The following PCDH19 variants were observed in gnomAD, a reference collection of about 807,000 sequenced individuals.
PCDH19 encodes the protein protocadherin-19.
In PCDH19, 6 loss-of-function variants were observed where a neutral mutation model predicts 46.2. The ratio of observed to expected loss-of-function variants is 0.13; its 90% CI spans 0.07 to 0.26. PCDH19 has a LOEUF of 0.26. Among genes scored for constraint, PCDH19 ranks in the 10% least tolerant of loss-of-function variants. PCDH19 has a pLI of 1.00. For missense variants in PCDH19, 740 were observed against 972.3 expected, an observed-to-expected ratio of 0.76 and a Z score of 3.18; for synonymous variants, 481 against 415.7, an observed-to-expected ratio of 1.16 and a Z score of -1.91.
chrX:100,311,926 A>T (rs186317549), intron 5 of PCDH19, among the ~76,000 whole-genome samples: 1 of 111,372 alleles, frequency 9.0e-6, no homozygotes, highest in East Asian at 2.8e-4. Context: ...CACAATCATT[A>T]AAAAAATGCA....
intron 5 of PCDH19, among the ~76,000 whole-genome samples, chrX:100,316,930 C>T (rs1283544830): frequency 3.6e-5 from 4 of 111,725 alleles, no homozygotes; most frequent in African/African-American, 1.3e-4. Flanking sequence ...TGGATTTTTT[C>T]TTGTCATATT....
At chrX:100,377,291 A>C (rs937325407) in intron 3 of PCDH19, among the ~76,000 whole-genome samples, 4 of 111,407 alleles carry the variant, frequency 3.6e-5, no homozygotes, top group African/African-American at 1.3e-4. Flanking sequence ...TTTTCTTCCC[A>C]TTATGGAACA....
chrX:100,395,713 G>GT (rs1444949782), intron 3 of PCDH19, among the ~76,000 whole-genome samples: 6 of 113,289 alleles, frequency 5.3e-5, no homozygotes, highest in Non-Finnish European at 9.4e-5. Flanking sequence ...AGTTGGCAGA[G>GT]TTGCTGTCCC....
At chrX:100,379,491 T>C (rs1411292638) in intron 3 of PCDH19, among the ~76,000 whole-genome samples, 1 of 112,086 alleles carries the variant, frequency 8.9e-6, no homozygotes, top group Admixed American at 9.5e-5. Flanking sequence ...TCCCTGCCTT[T>C]GAGGAATGTA....
intron 5 of PCDH19, among the ~76,000 whole-genome samples, chrX:100,300,264 T>C (rs180842192): frequency 4.0e-4 from 45 of 111,784 alleles, no homozygotes; most frequent in African/African-American, 1.4e-3. Flanking sequence ...ACAGACCAGA[T>C]GTAAAAAAAT....
rs1036030168 is a variant in PCDH19, at chrX:100,410,257, G to A, written c.-1660C>T. 3.4e-6 allele frequency: 1 copy of A among 298,366 alleles called. No homozygotes were observed. 24.6% of individuals were successfully genotyped at this position (298,366 alleles called of 1,213,427 possible). ...CCGCTACTGCTGCTGCTGCTCCTCC[G>A]GATGCCGCAAACTACTGGCCGCGGA... On this transcript the variant is annotated 5_prime_UTR_variant, in exon 1 of 6. Transcript: ENST00000373034.
At chrX:100,348,065 CAAAA>C (rs1177957771) in intron 4 of PCDH19, among the ~76,000 whole-genome samples, 3 of 40,612 alleles carry the variant, frequency 7.4e-5, no homozygotes, top group African/African-American at 1.1e-4. Flanking sequence ...GATTCCGTCT[CAAAA>C]AAAAAAAAAA....
chrX:100,333,789 A>AT lies in PCDH19; in HGVS notation c.2848+8113dup, dbSNP rs370118055. 4.8e-3 allele frequency among the ~76,000 whole-genome samples: 391 copies of AT among 82,163 alleles called. 2 individuals carry two copies. Among genetic ancestry groups the AT allele is most frequent in the Middle Eastern group, 6.2e-3 (1 of 162 alleles). 71.3% of individuals were successfully genotyped at this position (82,163 alleles called of 115,157 possible). A position where few individuals can be genotyped will look rare whatever the true frequency, so the allele number is the denominator to read the frequency against. ...TTTTTTGTTTGTTTTTTTCCTCTTC[A>AT]TTTTTTTTTTTTTTTTTTAAGACAG... On this transcript the variant is annotated intron_variant, in intron 5 of 5. Coordinates refer to ENST00000373034, the MANE Select transcript of PCDH19 (RefSeq NM_001184880.2).
chrX:100,333,183 G>GAGAGAGAGAGAAAGAA (rs1489789460), intron 5 of PCDH19, among the ~76,000 whole-genome samples: 2 of 43,467 alleles, frequency 4.6e-5, no homozygotes, highest in African/African-American at 7.8e-5. Flanking sequence ...GGGAGAGAGA[G>GAGAGAGAGAGAAAGAA]AGAAAGAAAG....
chrX:100,396,520 T>C (rs1928029971), intron 3 of PCDH19, among the ~76,000 whole-genome samples: 1 of 111,543 alleles, frequency 9.0e-6, no homozygotes, highest in South Asian at 3.8e-4. Context: ...GGGAGAAAAA[T>C]CTCAGGATGA....
chrX:100,337,008 C>T (rs1361131313), intron 5 of PCDH19, among the ~76,000 whole-genome samples: 7 of 111,423 alleles, frequency 6.3e-5, no homozygotes, highest in Admixed American at 9.5e-5. Context: ...GCCCCCACTA[C>T]TTAGCTCAGA....
intron 4 of PCDH19, among the ~76,000 whole-genome samples, chrX:100,342,905 G>C (rs1410446984): frequency 8.9e-6 from 1 of 112,116 alleles, no homozygotes; most frequent in Admixed American, 9.5e-5. Context: ...ACCATGGAAT[G>C]CCCAGATAGC....
At chrX:100,316,035 T>C (rs1925293268) in intron 5 of PCDH19, among the ~76,000 whole-genome samples, 1 of 111,918 alleles carries the variant, frequency 8.9e-6, no homozygotes, top group African/African-American at 3.2e-5. Flanking sequence ...AACAAAATAA[T>C]GCATGTGTGT....
At chrX:100,392,428 C>T (rs1045724119) in intron 3 of PCDH19, among the ~76,000 whole-genome samples, 1 of 111,864 alleles carries the variant, frequency 8.9e-6, no homozygotes, top group Admixed American at 9.5e-5. Context: ...AAAGCCATAA[C>T]TACCATAAAA....
At chrX:100,313,887 A>G (rs1009411374) in intron 5 of PCDH19, among the ~76,000 whole-genome samples, 7 of 94,061 alleles carry the variant, frequency 7.4e-5, no homozygotes, top group African/African-American at 2.9e-4. Flanking sequence ...ACACACACAC[A>G]CACACACACA....
chrX:100,364,401 T>C (rs748075734), intron 3 of PCDH19, among the ~76,000 whole-genome samples: 17 of 111,525 alleles, frequency 1.5e-4, no homozygotes, highest in Non-Finnish European at 3.2e-4. Flanking sequence ...AGTTTTTCAA[T>C]CATAGTAGCC....
chrX:100,394,166 CAA>C (rs765428607), intron 3 of PCDH19, among the ~76,000 whole-genome samples: 1 of 111,612 alleles, frequency 9.0e-6, no homozygotes, highest in East Asian at 2.8e-4. Context: ...GACTCCGTCT[CAA>C]CAACAACAAC....
rs768445846 is a variant in PCDH19, at chrX:100,292,128, T to C, written c.*4149A>G. ...TTTGTTGCTGATTTCTAGCTCGAGC[T>C]AGTCTGGCTCTTGGTCATTAAAGTC... On this transcript the variant is annotated 3_prime_UTR_variant, in exon 6 of 6. Coordinates refer to ENST00000373034, the MANE Select transcript of PCDH19 (RefSeq NM_001184880.2). 2.6e-5 allele frequency: 3 copies of C among 113,372 alleles called. No individual in the cohort carries two copies. In the South Asian group the frequency reaches 1.1e-3, roughly 41 times the overall value. 9.3% of individuals were successfully genotyped at this position (113,372 alleles called of 1,213,427 possible). A position where few individuals can be genotyped will look rare whatever the true frequency, so the allele number is the denominator to read the frequency against.
At chrX:100,367,695 G>A (rs1271838498) in intron 3 of PCDH19, among the ~76,000 whole-genome samples, 1 of 111,465 alleles carries the variant, frequency 9.0e-6, no homozygotes, top group Non-Finnish European at 1.9e-5. Flanking sequence ...ACCTCTTAAA[G>A]GCTCCACCTT....
Sources: gnomAD v4.1 joint callset for allele counts (sites outside exome capture counted in the v4.1 genomes callset) on GRCh38, gnomAD v4.1.1 for gene constraint, MANE v1.5 for transcripts, NCBI Gene and HGNC (gene_info 2026-07-23, HGNC 2026-07-21) for gene names.